The following DCAF15 variants were observed in gnomAD, a reference collection of about 807,000 sequenced individuals.
DCAF15 encodes DDB1 and CUL4 associated factor 15.
DCAF15 carries 24 observed loss-of-function variants against 68.0 expected under a neutral mutation model. The observed-to-expected ratio is 0.35, with a 90% confidence interval of 0.26 to 0.50. The LOEUF (loss-of-function observed/expected upper bound fraction) is 0.50. DCAF15 is among the 20% of genes least tolerant of loss of function. The probability of loss-of-function intolerance (pLI) is 0.98; values close to 1 mark genes in which losing one functional copy is unlikely to be tolerated. For missense variants in DCAF15, 627 were observed against 830.6 expected, an observed-to-expected ratio of 0.75 and a Z score of 3.01; for synonymous variants, 376 against 341.6, an observed-to-expected ratio of 1.10 and a Z score of -1.11.
Position 13,960,947 on chromosome 19 carries a change from C to G in DCAF15, c.1755C>G (p.Ser585=). The G allele has an allele frequency of 6.2e-7, 1 of 1,613,988 alleles. No individual in the cohort carries two copies. The highest frequency in any genetic ancestry group is 8.5e-7 in the Non-Finnish European group (1 of 1,180,012). ...CTCCACCTGTCCCTGTAGGGTGCTC[C>G]CTGAAGGTTCTGGCGGACAGCGAGC... ...MTNEALHKGC[S]LKVLADSERY... Residue 585 remains serine (S), a synonymous_variant, in exon 13 of 13, where the codon TCC becomes TCG. Transcript: ENST00000254337.
chr19:13,959,663 C>T lies in DCAF15; in HGVS notation c.1301C>T (p.Thr434Ile). Residue 434 changes from threonine (T) to isoleucine (I), a missense_variant, in exon 8 of 13, where the codon ACT becomes ATT. Coordinates refer to ENST00000254337, the MANE Select transcript of DCAF15 (RefSeq NM_138353.4). ...AACCTGCGGCCCATGCGGGAGCGGA[C>T]TGCTGTCCAGGTGGGTGTGGGCAGT... ...GRNLRPMRER[T>I]AVQGQYLTVE... 6.2e-7 allele frequency: 1 copy of T among 1,613,416 alleles called. No individual in the cohort carries two copies.
intron 2 of DCAF15, 27 bp from the exon 3 acceptor site, chr19:13,954,499 G>A: frequency 6.2e-7 from 1 of 1,614,032 alleles, no homozygotes; most frequent in African/African-American, 1.3e-5. Context: ...CCCTGACCTG[G>A]CCGCTGTGCC....
chr19:13,959,692 C>T lies in DCAF15; in HGVS notation c.1311+19C>T, dbSNP rs749339014. The T allele has an allele frequency of 9.3e-6, 15 of 1,612,912 alleles. No homozygotes were observed. The highest frequency in any genetic ancestry group is 4.0e-5 in the African/African-American group (3 of 74,896). Reference sequence around the variant, plus strand: ...TGTCCAGGTGGGTGTGGGCAGTGGGCGGGCCAAGGACAGTCCCGGGGAGCT... The same window carrying T: ...TGTCCAGGTGGGTGTGGGCAGTGGGTGGGCCAAGGACAGTCCCGGGGAGCT... On this transcript the variant is annotated intron_variant, in intron 8 of 12. Coordinates refer to ENST00000254337, the MANE Select transcript of DCAF15 (RefSeq NM_138353.4).
Position 13,959,397 on chromosome 19 carries a change from A to T in DCAF15, c.1137A>T (p.Ala379=). 1 of 1,605,842 alleles carries T rather than the reference A, an allele frequency of 6.2e-7. No homozygotes were observed. The highest frequency in any genetic ancestry group is 8.5e-7 in the Non-Finnish European group (1 of 1,179,552). Residue 379 remains alanine (A), a synonymous_variant, in exon 7 of 13, where the codon GCA becomes GCT. Coordinates refer to ENST00000254337, the MANE Select transcript of DCAF15 (RefSeq NM_138353.4). ...APRDSPPASE[A]PASEPGYVNY... Reference sequence around the variant, plus strand: ...GGGACAGCCCCCCTGCCTCGGAGGCACCTGCCTCCGAGCCTGGCTATGTCA... The same window carrying T: ...GGGACAGCCCCCCTGCCTCGGAGGCTCCTGCCTCCGAGCCTGGCTATGTCA...
chr19:13,954,976 C>T (rs966010976), intron 3 of DCAF15, among the ~76,000 whole-genome samples: 11 of 152,074 alleles, frequency 7.2e-5, no homozygotes, highest in Admixed American at 2.6e-4. Flanking sequence ...GGCATATTGG[C>T]GTGTGCCTGT....
In DCAF15 at chr19:13,954,563, G is replaced by A. The variant is rs147722269; in HGVS notation, c.268G>A (p.Val90Ile). 20 of 1,614,032 alleles carry A rather than the reference G, an allele frequency of 1.2e-5. No individual in the cohort carries two copies. The African/African-American group carries it at 1.9e-4, about 15-fold the overall frequency. ...GGGCTTTTCCAAATGCGGCCGCTAC[G>A]TCCTCTCCTACACCAGCAGCAGTGG... ...FLGFSKCGRY[V>I]LSYTSSSGDD... Residue 90 changes from valine (V) to isoleucine (I), a missense_variant, in exon 3 of 13, where the codon GTC (valine) becomes ATC (isoleucine). Transcript: ENST00000254337.
intron 3 of DCAF15, among the ~76,000 whole-genome samples, chr19:13,955,106 T>TAAAAC (rs565524117): frequency 2.3e-4 from 35 of 150,338 alleles, no homozygotes; most frequent in Admixed American, 9.3e-4. Flanking sequence ...ACCCTGTCTC[T>TAAAAC]AAAACAAAAC....
chr19:13,959,029 C>A lies in DCAF15; in HGVS notation c.785-16C>A. 1 of 1,570,002 alleles carries A rather than the reference C, an allele frequency of 6.4e-7. No homozygotes were observed. Among genetic ancestry groups the A allele is most frequent in the South Asian group, 1.2e-5 (1 of 84,756 alleles). On this transcript the variant is annotated splice_polypyrimidine_tract_variant and intron_variant, in intron 6 of 12. Coordinates refer to ENST00000254337, the MANE Select transcript of DCAF15 (RefSeq NM_138353.4). ...GCACCCCAGACTGACACTTCTCCAC[C>A]CCCATCTCTTCTTAGGTGACAGGAG...
intron 11 of DCAF15, 29 bp downstream of exon 11, chr19:13,960,420 G>A: frequency 6.2e-7 from 1 of 1,613,118 alleles, no homozygotes; most frequent in Non-Finnish European, 8.5e-7. Flanking sequence ...GCAGGGTCAG[G>A]GCGCGGCCAA....
In DCAF15 at chr19:13,960,025, G is replaced by A. The variant is rs1287777808; in HGVS notation, c.1482G>A (p.Leu494=). The change falls in exon 10 of 13, where the codon CTG becomes CTA. Residue 494 remains leucine, a synonymous_variant. Transcript: ENST00000254337. ...ETNQVLINIG[L]LLLAFPSPTE... ...ACCAGGTCCTCATCAACATTGGCCT[G>A]CTGCTCCTGGCCTTCCCGTCCCCCA... The A allele has an allele frequency of 6.2e-7, 1 of 1,613,488 alleles. No homozygotes were observed. Among genetic ancestry groups the A allele is most frequent in the Non-Finnish European group, 8.5e-7 (1 of 1,179,998 alleles).
At chr19:13,960,623 A>ACTTGTC in intron 12 of DCAF15, 43 bp downstream of exon 12, 1 of 1,502,620 alleles carries the variant, frequency 6.7e-7, no homozygotes, top group Non-Finnish European at 9.0e-7. Context: ...CACCAGGAAC[A>ACTTGTC]CTTGTCCTCA....
chr19:13,959,153 T>C lies in DCAF15; in HGVS notation c.893T>C (p.Phe298Ser). The C allele has an allele frequency of 6.2e-7, 1 of 1,612,578 alleles. No homozygotes were observed. The highest frequency in any genetic ancestry group is 1.1e-5 in the South Asian group (1 of 91,078). The change falls in exon 7 of 13, where the codon TTC becomes TCC. Residue 298 changes from phenylalanine to serine, a missense_variant. Around this residue, in one of 3 missense-constraint regions of DCAF15, gnomAD observed 236 missense variants for 225.1 expected, o/e 1.05. Coordinates refer to ENST00000254337, the MANE Select transcript of DCAF15 (RefSeq NM_138353.4). ...SPELPPALPSFCPEAAPARSS... is the reference protein window; with the variant it reads ...SPELPPALPSSCPEAAPARSS... ...GAGCTGCCCCCTGCCCTCCCCAGCT[T>C]CTGCCCTGAGGCGGCCCCAGCCCGT...
chr19:13,953,118 C>T lies in DCAF15; in HGVS notation c.132+474C>T. On this transcript the variant is annotated intron_variant, in intron 1 of 12. Transcript: ENST00000254337. ...CACACATGAGCTGGGAGTTCCAGTACCTGGGTGGGCCTCCCCATTGAAAGT... is the reference window on the plus strand; with the variant it reads ...CACACATGAGCTGGGAGTTCCAGTATCTGGGTGGGCCTCCCCATTGAAAGT... 2 of 1,549,866 alleles carry T rather than the reference C, an allele frequency of 1.3e-6. No homozygotes were observed. The highest frequency in any genetic ancestry group is 1.7e-6 in the Non-Finnish European group (2 of 1,146,118).
In DCAF15 at chr19:13,960,268, A is replaced by G. The variant is rs753300154; in HGVS notation, c.1527-19A>G. The G allele has an allele frequency of 6.2e-7, 1 of 1,611,088 alleles. No individual in the cohort carries two copies. Among genetic ancestry groups the G allele is most frequent in the Non-Finnish European group, 8.5e-7 (1 of 1,177,500 alleles). ...GCCCGGCTGTCCCAGCGTTTGTCCT[A>G]TGTCCCTCTCCACTGTAGACCAAAG... On this transcript the variant is annotated intron_variant, in intron 10 of 12. Coordinates refer to ENST00000254337, the MANE Select transcript of DCAF15 (RefSeq NM_138353.4).
chr19:13,959,417 A>C lies in DCAF15; in HGVS notation c.1157A>C (p.Tyr386Ser). 5 of 1,608,826 alleles carry C rather than the reference A, an allele frequency of 3.1e-6. No homozygotes were observed. The highest frequency in any genetic ancestry group is 4.2e-6 in the Non-Finnish European group (5 of 1,179,842). The change falls in exon 7 of 13, where the codon TAT (tyrosine) becomes TCT (serine). Residue 386 changes from tyrosine (Y) to serine (S), a missense_variant. This residue lies in a region of DCAF15 where 236 missense variants were observed against 225.1 expected (regional missense o/e 1.05). Coordinates refer to ENST00000254337, the MANE Select transcript of DCAF15 (RefSeq NM_138353.4). Reference sequence around the variant, plus strand: ...GAGGCACCTGCCTCCGAGCCTGGCTATGTCAACTACACCAAGCTGTACTAT... The same window carrying C: ...GAGGCACCTGCCTCCGAGCCTGGCTCTGTCAACTACACCAAGCTGTACTAT... ...ASEAPASEPG[Y>S]VNYTKLYYVL...
rs915367563 is a variant in DCAF15, at chr19:13,961,345, T to G, written c.*350T>G. 7 of 338,780 alleles carry G rather than the reference T, an allele frequency of 2.1e-5. No homozygotes were observed. The highest frequency in any genetic ancestry group is 7.9e-5 in the Admixed American group (2 of 25,236). The allele number at this position is 338,780 out of a possible 1,614,324, so 21.0% of individuals were successfully genotyped here. A position where few individuals can be genotyped will look rare whatever the true frequency, so the allele number is the denominator to read the frequency against. On this transcript the variant is annotated 3_prime_UTR_variant, in exon 13 of 13. Coordinates refer to ENST00000254337, the MANE Select transcript of DCAF15 (RefSeq NM_138353.4). ...CCTCGGGGAGGTCGAATGGACCCCA[T>G]TCCCCCTGCCCTGCCCGCCCCCAGC...
rs1973099276 is a variant in DCAF15, at chr19:13,952,563, C to T, written c.51C>T (p.Gly17=). The T allele has an allele frequency of 7.9e-7, 1 of 1,262,922 alleles. No homozygotes were observed. 78.2% of individuals were successfully genotyped at this position (1,262,922 alleles called of 1,614,324 possible). Reference sequence around the variant, plus strand: ...GGAACAGCGGGGCTGGGAGCGGCGGCGGCGGCCCCGGGGGAGCCGGAGGGA... The same window carrying T: ...GGAACAGCGGGGCTGGGAGCGGCGGTGGCGGCCCCGGGGGAGCCGGAGGGA... The part of the protein sequence containing the change: ...SERNSGAGSG[G]GGPGGAGGKR... The change falls in exon 1 of 13, where the codon GGC becomes GGT. Residue 17 remains glycine (G), a synonymous_variant. Transcript: ENST00000254337.
intron 11 of DCAF15, 34 bp downstream of exon 11, chr19:13,960,425 G>A (rs371683648): frequency 1.0e-4 from 162 of 1,612,678 alleles, no homozygotes; most frequent in Non-Finnish European, 1.3e-4. Flanking sequence ...GTCAGGGCGC[G>A]GCCAAGGCGA....
rs1973482743 is a variant in DCAF15, at chr19:13,959,126, C to T, written c.866C>T (p.Pro289Leu). 6.2e-7 allele frequency: 1 copy of T among 1,612,594 alleles called. No individual in the cohort carries two copies. Among genetic ancestry groups the T allele is most frequent in the Non-Finnish European group, 8.5e-7 (1 of 1,179,818 alleles). The stretch of plus-strand genomic sequence containing the variant: ...GCCAGCCCCCCTGAGCCCCAGAGCC[C>T]AGAGCTGCCCCCTGCCCTCCCCAGC... The part of the protein sequence containing the change: ...APASPPEPQS[P>L]ELPPALPSFC... The change falls in exon 7 of 13, where the codon CCA (proline) becomes CTA (leucine). Residue 289 changes from proline (P) to leucine (L), a missense_variant. Pro to Leu is a moderately conservative substitution (Grantham distance 98). This residue lies in a region of DCAF15 where 236 missense variants were observed against 225.1 expected (regional missense o/e 1.05). Coordinates refer to ENST00000254337, the MANE Select transcript of DCAF15 (RefSeq NM_138353.4).
Sources: allele counts gnomAD v4.1 joint callset (sites outside exome capture counted in the v4.1 genomes callset), GRCh38; gene constraint gnomAD v4.1.1; regional missense constraint gnomAD v4.1.1; transcripts MANE v1.5; gene names NCBI Gene and HGNC (gene_info 2026-07-23, HGNC 2026-07-21).